Variants in GPR137C observed in about 807,000 individuals in gnomAD.
GPR137C encodes G protein-coupled receptor 137C.
A neutral mutation model predicts 43.4 loss-of-function variants in GPR137C; 27 were observed. That is an observed-to-expected ratio of 0.62 (90% CI 0.46 to 0.86). The LOEUF (loss-of-function observed/expected upper bound fraction) is 0.86. Among genes scored for constraint, GPR137C ranks in the 40% least tolerant of loss-of-function variants. The pLI, the probability that GPR137C is intolerant of heterozygous loss-of-function variation, is 0.00. For synonymous variants in GPR137C, 285 were observed against 226.9 expected, an observed-to-expected ratio of 1.26 and a Z score of -2.30; for missense variants, 522 against 534.6, an observed-to-expected ratio of 0.98 and a Z score of 0.23.
Position 52,600,304 on chromosome 14 carries a change from C to G in GPR137C, c.680C>G (p.Thr227Arg), listed in dbSNP as rs1222628282. ...TTAGTGTGTTACATATGCAAAATTACAAAAATGTCATCAGCTAATGTCTAC... is the reference window on the plus strand; with the variant it reads ...TTAGTGTGTTACATATGCAAAATTAGAAAAATGTCATCAGCTAATGTCTAC... Reference protein sequence around the residue: ...ISLVCYICKITKMSSANVYLE... With the variant: ...ISLVCYICKIRKMSSANVYLE... Residue 227 changes from threonine (T) to arginine (R), a missense_variant, in exon 3 of 7, where the codon ACA (threonine) becomes AGA (arginine). Around this residue, in one of 3 missense-constraint regions of GPR137C, gnomAD observed 437 missense variants for 425.7 expected, o/e 1.03. Coordinates refer to ENST00000321662, the MANE Select transcript of GPR137C (RefSeq NM_001099652.2). 4 of 1,609,160 alleles carry G rather than the reference C, an allele frequency of 2.5e-6. No individual in the cohort carries two copies. Among genetic ancestry groups the G allele is most frequent in the Non-Finnish European group, 3.4e-6 (4 of 1,176,280 alleles).
intron 1 of GPR137C, among the ~76,000 whole-genome samples, chr14:52,573,931 AAAG>A (rs1438252507): frequency 6.6e-6 from 1 of 152,226 alleles, no homozygotes; most frequent in African/African-American, 2.4e-5. Flanking sequence ...ACACTTCTCA[AAAG>A]AAGACATTTA....
intron 3 of GPR137C, among the ~76,000 whole-genome samples, chr14:52,619,715 G>A (rs1159030432): frequency 6.6e-6 from 1 of 152,050 alleles, no homozygotes; most frequent in East Asian, 1.9e-4. Context: ...AGCCCACCCA[G>A]TAAAAGCCAT....
At chr14:52,560,993 C>T (rs138744323) in intron 1 of GPR137C, among the ~76,000 whole-genome samples, 395 of 152,190 alleles carry the variant, frequency 2.6e-3, no homozygotes, top group Middle Eastern at 0.01. Flanking sequence ...ACATAAAGAA[C>T]TTATAACTCA....
intron 1 of GPR137C, among the ~76,000 whole-genome samples, chr14:52,587,750 A>G (rs2038731036): frequency 6.6e-6 from 1 of 152,240 alleles, no homozygotes; most frequent in Admixed American, 6.5e-5. Context: ...AGCCTGGGTA[A>G]CAGAGTGAGA....
intron 3 of GPR137C, among the ~76,000 whole-genome samples, chr14:52,615,683 C>T (rs945338427): frequency 2.0e-5 from 3 of 151,962 alleles, no homozygotes; most frequent in East Asian, 1.9e-4. Flanking sequence ...TTCACTTCTT[C>T]GGTTGACTTA....
chr14:52,614,151 A>G lies in GPR137C; in HGVS notation c.717+13810A>G, dbSNP rs1012571331. 6.2e-5 allele frequency among the ~76,000 whole-genome samples: 9 copies of G among 146,054 alleles called. No individual in the cohort carries two copies. The South Asian group carries it at 1.7e-3, about 28-fold the overall frequency. ...TTTTTTTTTTTTGAGACAGAGTCCCACTCTGTCACCGCAGGCTGGAGTGCA... is the reference window on the plus strand; with the variant it reads ...TTTTTTTTTTTTGAGACAGAGTCCCGCTCTGTCACCGCAGGCTGGAGTGCA... On this transcript the variant is annotated intron_variant, in intron 3 of 6. Transcript: ENST00000321662.
intron 3 of GPR137C, among the ~76,000 whole-genome samples, chr14:52,624,628 G>A (rs961203722): frequency 9.9e-5 from 15 of 151,816 alleles, no homozygotes; most frequent in Admixed American, 2.0e-4. Flanking sequence ...GGAGGCTGAA[G>A]TGGGAGGATA....
chr14:52,574,658 C>G (rs2038524011), intron 1 of GPR137C, among the ~76,000 whole-genome samples: 1 of 152,156 alleles, frequency 6.6e-6, no homozygotes, highest in African/African-American at 2.4e-5. Context: ...CACATGTATA[C>G]TTATGTAACA....
At chr14:52,599,146 T>C (rs998576190) in intron 2 of GPR137C, among the ~76,000 whole-genome samples, 1 of 152,228 alleles carries the variant, frequency 6.6e-6, no homozygotes, top group Non-Finnish European at 1.5e-5. Flanking sequence ...TGCAGATAGT[T>C]GTTACTGCTA....
intron 1 of GPR137C, among the ~76,000 whole-genome samples, chr14:52,570,069 G>GA (rs1175879406): frequency 6.6e-6 from 1 of 152,124 alleles, no homozygotes; most frequent in African/African-American, 2.4e-5. Context: ...TGAAATGAAG[G>GA]AAAAAATGTT....
intron 3 of GPR137C, among the ~76,000 whole-genome samples, chr14:52,629,472 G>A (rs146240578): frequency 3.3e-5 from 5 of 152,276 alleles, no homozygotes; most frequent in African/African-American, 1.2e-4. Context: ...AAGCAAATCA[G>A]GAAGAGTTGG....
intron 1 of GPR137C, among the ~76,000 whole-genome samples, chr14:52,566,425 A>G (rs1487374067): frequency 1.3e-5 from 2 of 152,138 alleles, no homozygotes; most frequent in African/African-American, 2.4e-5. Flanking sequence ...TTATAGCCCT[A>G]TTTTAGGTTG....
rs535695281 is a variant in GPR137C at position 52,557,234 on chromosome 14, T to TTTTA, written c.444+3644_444+3645insTTAT. On this transcript the variant is annotated intron_variant, in intron 1 of 6. Coordinates refer to ENST00000321662, the MANE Select transcript of GPR137C (RefSeq NM_001099652.2). The stretch of plus-strand genomic sequence containing the variant: ...GATGATTATATTATTGAATGACACT[T>TTTTA]TATAAAAAGGTCAAAATTTAGAAAA... Among the ~76,000 whole-genome samples the TTTTA allele has an allele frequency of 5.2e-4, 79 of 152,304 alleles. 1 individual carries two copies. The East Asian group carries it at 6.7e-3, about 13-fold the overall frequency.
intron 1 of GPR137C, among the ~76,000 whole-genome samples, chr14:52,584,886 C>A (rs753607213): frequency 6.6e-6 from 1 of 152,152 alleles, no homozygotes; most frequent in African/African-American, 2.4e-5. Flanking sequence ...CAGGCATGAG[C>A]CACTGGATCT....
chr14:52,597,124 A>G (rs1227719397), intron 1 of GPR137C: 1 of 376,402 alleles, frequency 2.7e-6, no homozygotes, highest in East Asian at 7.8e-5. Flanking sequence ...ACTCTTCATA[A>G]GTTGGCTCAA....
chr14:52,608,034 T>C (rs185960440), intron 3 of GPR137C, among the ~76,000 whole-genome samples: 39 of 152,312 alleles, frequency 2.6e-4, no homozygotes, highest in African/African-American at 8.2e-4. Context: ...GTAGGCAACA[T>C]ATAGTTAGAT....
rs150203988 is a variant in GPR137C at position 52,580,909 on chromosome 14, A to T, written c.445-17363A>T. Among the ~76,000 whole-genome samples, 16 of 149,162 alleles carry T rather than the reference A, an allele frequency of 1.1e-4. No homozygotes were observed. In the East Asian group the frequency reaches 2.9e-3, roughly 27 times the overall value. On this transcript the variant is annotated intron_variant, in intron 1 of 6. Coordinates refer to ENST00000321662, the MANE Select transcript of GPR137C (RefSeq NM_001099652.2). ...ATACATATATATTTTTAGTAGATAA[A>T]AGTTATTGGCCAGGCCTGGTGGCTC...
At position 52,632,955 on chromosome 14, in the gene GPR137C, C is replaced by T. The variant is rs76612442; in HGVS notation, c.868-575C>T. 4.2e-3 allele frequency among the ~76,000 whole-genome samples: 646 copies of T among 152,036 alleles called. 10 individuals carry two copies. The highest frequency in any genetic ancestry group is 0.035 in the Admixed American group (531 of 15,232). ...AGCTTTGTACTGAATTTAAGGGTTC[C>T]GGGAATACTATTTTTCATTTACCTT... On this transcript the variant is annotated intron_variant, in intron 4 of 6. Coordinates refer to ENST00000321662, the MANE Select transcript of GPR137C (RefSeq NM_001099652.2).
intron 3 of GPR137C, among the ~76,000 whole-genome samples, chr14:52,621,008 C>A: frequency 6.6e-6 from 1 of 151,568 alleles, no homozygotes; most frequent in Non-Finnish European, 1.5e-5. Flanking sequence ...AAATAATGAC[C>A]TAAACTTTCC....
Sources: gnomAD v4.1 joint callset for allele counts (sites outside exome capture counted in the v4.1 genomes callset) on GRCh38, gnomAD v4.1.1 for gene constraint, gnomAD v4.1.1 regional missense constraint, MANE v1.5 for transcripts, NCBI Gene and HGNC (gene_info 2026-07-23, HGNC 2026-07-21) for gene names.